Variants in SORCS3 observed in about 807,000 individuals in gnomAD.
SORCS3 encodes sortilin related VPS10 domain containing receptor 3.
In SORCS3, 57 loss-of-function variants were observed where a neutral mutation model predicts 146.3. That is an observed-to-expected ratio of 0.39 (90% CI 0.31 to 0.49). SORCS3 has a LOEUF of 0.49. Ranked by LOEUF, SORCS3 falls within the 20% of genes least tolerant of loss-of-function variation. SORCS3 has a pLI of 0.92. For missense variants in SORCS3, 1,341 were observed against 1,575.5 expected (o/e 0.85, Z 2.52); for synonymous variants, 653 against 618.5 (o/e 1.06, Z -0.83).
intron 2 of SORCS3, among the ~76,000 whole-genome samples, chr10:104,886,554 T>TCATCTATCTGTC (rs1564705966): frequency 7.8e-6 from 1 of 127,842 alleles, no homozygotes; most frequent in African/African-American, 3.1e-5. Flanking sequence ...TATAACTCTA[T>TCATCTATCTGTC]CATCTATCTA....
At chr10:105,260,473 T>C (rs532764036) in intron 25 of SORCS3, among the ~76,000 whole-genome samples, 3 of 152,224 alleles carry the variant, frequency 2.0e-5, no homozygotes, top group African/African-American at 4.8e-5. Context: ...ACATGGATGC[T>C]GTTCACTTTG....
At chr10:105,230,266 G>T (rs2056758896) in intron 20 of SORCS3, among the ~76,000 whole-genome samples, 1 of 152,086 alleles carries the variant, frequency 6.6e-6, no homozygotes, top group Non-Finnish European at 1.5e-5. Context: ...GTTGTGTGCA[G>T]GTACTGGCTG....
intron 19 of SORCS3, among the ~76,000 whole-genome samples, chr10:105,222,163 A>G (rs1252995695): frequency 1.4e-5 from 2 of 141,036 alleles, no homozygotes; most frequent in Non-Finnish European, 3.0e-5. Context: ...GGTTCAAGTG[A>G]TTCTCCTGCC....
At chr10:104,943,389 G>A (rs951343965) in intron 3 of SORCS3, among the ~76,000 whole-genome samples, 1 of 152,162 alleles carries the variant, frequency 6.6e-6, no homozygotes, top group African/African-American at 2.4e-5. Flanking sequence ...GTCTCCCAAA[G>A]TGCTATGATT....
chr10:105,190,595 G>T (rs1420965875), intron 14 of SORCS3, among the ~76,000 whole-genome samples: 1 of 151,996 alleles, frequency 6.6e-6, no homozygotes, highest in African/African-American at 2.4e-5. Flanking sequence ...GACGGGACGG[G>T]GTTTCACCAT....
At chr10:104,780,376 A>G (rs1220709135) in intron 1 of SORCS3, among the ~76,000 whole-genome samples, 3 of 152,168 alleles carry the variant, frequency 2.0e-5, no homozygotes, top group African/African-American at 7.2e-5. Flanking sequence ...AAGGGAAGCT[A>G]TTAATAAACC....
chr10:105,033,207 A>G (rs1343096953), intron 4 of SORCS3, among the ~76,000 whole-genome samples: 1 of 152,246 alleles, frequency 6.6e-6, no homozygotes, highest in African/African-American at 2.4e-5. Context: ...GTACACTGCC[A>G]TTCATGCACA....
intron 1 of SORCS3, among the ~76,000 whole-genome samples, chr10:104,715,949 T>C (rs143624635): frequency 6.6e-6 from 1 of 152,276 alleles, no homozygotes; most frequent in African/African-American, 2.4e-5. Context: ...TTCTTACTGC[T>C]TATCTTCTCC....
chr10:104,692,794 G>T (rs2016129303), intron 1 of SORCS3, among the ~76,000 whole-genome samples: 1 of 152,206 alleles, frequency 6.6e-6, no homozygotes, highest in Non-Finnish European at 1.5e-5. Context: ...GAAAAAGCAT[G>T]TCTCTCTTCT....
At chr10:104,947,474 C>T (rs1168396543) in intron 3 of SORCS3, among the ~76,000 whole-genome samples, 2 of 152,130 alleles carry the variant, frequency 1.3e-5, no homozygotes, top group Non-Finnish European at 2.9e-5. Context: ...CACAAAGGCT[C>T]TCTGAACACG....
At chr10:104,794,958 T>C (rs748038534) in intron 1 of SORCS3, among the ~76,000 whole-genome samples, 3 of 152,130 alleles carry the variant, frequency 2.0e-5, no homozygotes, top group Non-Finnish European at 4.4e-5. Flanking sequence ...ACCAGCACAA[T>C]AGGAGCTGGT....
chr10:104,647,293 T>G (rs992302158), intron 1 of SORCS3, among the ~76,000 whole-genome samples: 2 of 152,320 alleles, frequency 1.3e-5, no homozygotes, highest in East Asian at 3.9e-4. Flanking sequence ...CCCAAGCATC[T>G]TGAGGTCTGT....
chr10:104,832,008 G>T (rs574593330), intron 1 of SORCS3, among the ~76,000 whole-genome samples: 8 of 152,198 alleles, frequency 5.3e-5, no homozygotes, highest in Non-Finnish European at 1.0e-4. Context: ...TAGTCCTGAG[G>T]CATAGTTGAT....
intron 1 of SORCS3, among the ~76,000 whole-genome samples, chr10:104,660,312 T>C (rs1239973156): frequency 6.6e-6 from 1 of 150,922 alleles, no homozygotes; most frequent in Admixed American, 6.6e-5. Context: ...CTGTGCATCC[T>C]GCCGATCTGT....
chr10:105,092,757 AAAAC>A lies in SORCS3; in HGVS notation c.1093+2934_1093+2937del, dbSNP rs548665761. Among the ~76,000 whole-genome samples, 4 of 152,284 alleles carry A rather than the reference AAAAC, an allele frequency of 2.6e-5. No homozygotes were observed. In the East Asian group the frequency reaches 7.7e-4, roughly 29 times the overall value. On this transcript the variant is annotated intron_variant, in intron 6 of 26. Transcript: ENST00000369701. ...TCACATAGCTAATTGGCGATAGGAA[AAAAC>A]AAACAAACAAACAAAAAAGCAAGTT...
chr10:104,644,937 C>T (rs1338185471), intron 1 of SORCS3, among the ~76,000 whole-genome samples: 1 of 152,172 alleles, frequency 6.6e-6, no homozygotes, highest in Non-Finnish European at 1.5e-5. Context: ...GGCCTTCAGC[C>T]CACCCCATTG....
chr10:104,749,235 G>A (rs995723966), intron 1 of SORCS3, among the ~76,000 whole-genome samples: 1 of 143,154 alleles, frequency 7.0e-6, no homozygotes, highest in Admixed American at 6.7e-5. Flanking sequence ...GGGTGTGTGT[G>A]TGTGTGTGTG....
At chr10:104,956,526 A>G (rs1176643824) in intron 3 of SORCS3, among the ~76,000 whole-genome samples, 2 of 152,222 alleles carry the variant, frequency 1.3e-5, no homozygotes, top group Non-Finnish European at 2.9e-5. Context: ...ATATGTGACA[A>G]GAGTTTTCCA....
intron 1 of SORCS3, among the ~76,000 whole-genome samples, chr10:104,829,030 T>C (rs1564692978): frequency 6.6e-6 from 1 of 152,208 alleles, no homozygotes; most frequent in Non-Finnish European, 1.5e-5. Context: ...TCTCATCCAC[T>C]GTGAGGATGT....
Sources: allele counts gnomAD v4.1 joint callset (sites outside exome capture counted in the v4.1 genomes callset), GRCh38; gene constraint gnomAD v4.1.1; transcripts MANE v1.5; gene names NCBI Gene and HGNC (gene_info 2026-07-23, HGNC 2026-07-21).